CCDC169: variants seen among roughly 807,000 people sequenced by gnomAD.
CCDC169 encodes coiled-coil domain containing 169.
Under a neutral mutation model 36.0 loss-of-function variants are expected in CCDC169, and 30 were observed. That is an observed-to-expected ratio of 0.83 (90% CI 0.62 to 1.13). CCDC169 has a LOEUF of 1.13. Among genes scored for constraint, CCDC169 ranks in the 50% most tolerant of loss-of-function variants. The probability of loss-of-function intolerance (pLI) is 0.00; values close to 1 mark genes in which losing one functional copy is unlikely to be tolerated. For missense variants in CCDC169, 245 were observed against 245.9 expected, an observed-to-expected ratio of 1.00 and a Z score of 0.03; for synonymous variants, 85 against 81.5, an observed-to-expected ratio of 1.04 and a Z score of -0.23.
chr13:36,270,114 C>T (rs935280465), intron 4 of CCDC169, among the ~76,000 whole-genome samples: 29 of 152,144 alleles, frequency 1.9e-4, no homozygotes, highest in African/African-American at 6.8e-4. Context: ...ATCAGTAGCA[C>T]TGTTGCACAA....
At chr13:36,297,510 G>A in intron 1 of CCDC169, 127 bp downstream of exon 1, 3 of 835,532 alleles carry the variant, frequency 3.6e-6, no homozygotes, top group Non-Finnish European at 5.7e-6. Context: ...AACCCAGACC[G>A]AAGTGCCCAG....
chr13:36,278,276 A>C (rs1877084766), intron 4 of CCDC169, among the ~76,000 whole-genome samples: 2 of 152,210 alleles, frequency 1.3e-5, no homozygotes, highest in Non-Finnish European at 2.9e-5. Context: ...AATTAACTCA[A>C]TTTCACAGAT....
intron 4 of CCDC169, among the ~76,000 whole-genome samples, chr13:36,257,940 A>G (rs1011339643): frequency 2.6e-5 from 4 of 152,114 alleles, no homozygotes; most frequent in African/African-American, 9.7e-5. Context: ...TAGCTTTAAA[A>G]GCCCTCCAAT....
chr13:36,248,507 T>C, intron 7 of CCDC169, 99 bp downstream of exon 7: 1 of 1,125,194 alleles, frequency 8.9e-7, no homozygotes, highest in Non-Finnish European at 1.3e-6. Flanking sequence ...CTATAAAACC[T>C]AGAAGTTCAG....
intron 4 of CCDC169, among the ~76,000 whole-genome samples, chr13:36,266,011 G>C (rs1875258919): frequency 6.6e-6 from 1 of 152,126 alleles, no homozygotes; most frequent in African/African-American, 2.4e-5. Context: ...GGTCCGTTTT[G>C]GGAGGACTGT....
chr13:36,240,383 T>C (rs1324853153), intron 7 of CCDC169, among the ~76,000 whole-genome samples: 3 of 152,156 alleles, frequency 2.0e-5, no homozygotes, highest in Non-Finnish European at 2.9e-5. Flanking sequence ...TTTACTATTA[T>C]AGGTAAGCGT....
rs746533112 is a variant in CCDC169 at position 36,297,537 on chromosome 13, C to G, written c.83+100G>C. 2.6e-6 allele frequency: 3 copies of G among 1,170,092 alleles called. No individual in the cohort carries two copies. The East Asian group carries it at 7.7e-5, about 30-fold the overall frequency. 72.5% of individuals were successfully genotyped at this position (1,170,092 alleles called of 1,614,324 possible). A position where few individuals can be genotyped will look rare whatever the true frequency, so the allele number is the denominator to read the frequency against. ...AGTGCCCAGGGGTTAATCACGGCGCCGGTCTTACAGCACCCTCAGCGGCTT... is the reference window on the plus strand; with the variant it reads ...AGTGCCCAGGGGTTAATCACGGCGCGGGTCTTACAGCACCCTCAGCGGCTT... On this transcript the variant is annotated intron_variant, in intron 1 of 7. Transcript: ENST00000239859.
intron 4 of CCDC169, chr13:36,283,223 C>T (rs1011915517): frequency 8.2e-6 from 4 of 484,988 alleles, no homozygotes; most frequent in African/African-American, 5.9e-5. Context: ...TGAAGGTTGG[C>T]GGTGATTCAA....
Position 36,231,262 on chromosome 13 carries a change from T to C in CCDC169, c.576A>G (p.Thr192=), listed in dbSNP as rs1870390901. The C allele has an allele frequency of 1.3e-6, 2 of 1,551,450 alleles. No homozygotes were observed. The highest frequency in any genetic ancestry group is 1.7e-6 in the Non-Finnish European group (2 of 1,146,838). The part of the protein sequence containing the change: ...TGRYNPAKQK[T]VSAKRGPVKK... ...TTACTGGTCCTCTCTTGGCACTCAC[T>C]GTCTTCTGCTTAGCTGGATTATATC... The change falls in exon 8 of 8, where the codon ACA becomes ACG. Residue 192 remains threonine (T), a synonymous_variant. Transcript: ENST00000239859.
intron 6 of CCDC169, among the ~76,000 whole-genome samples, chr13:36,250,197 A>G (rs1170933): frequency 1 from 152,223 of 152,274 alleles, 76,086 homozygotes; most frequent in Non-Finnish European, 1. Flanking sequence ...CTAAGGAAAG[A>G]ATATTCTAGG....
In CCDC169 at chr13:36,297,661, T is replaced by G; in HGVS notation, c.59A>C (p.Gln20Pro). ...CTTCTTGCGGACTTCTTCCAGCAAC[T>G]GCTGTTTCAGGCGGTTGGTGCTCAC... ...DGVSTNRLKQQLLEEVRKKDA... is the reference protein window; with the variant it reads ...DGVSTNRLKQPLLEEVRKKDA... Residue 20 changes from glutamine to proline, a missense_variant, in exon 1 of 8, where the codon CAG (glutamine) becomes CCG (proline). Coordinates refer to ENST00000239859, the MANE Select transcript of CCDC169 (RefSeq NM_001144981.3). 1.3e-6 allele frequency: 2 copies of G among 1,551,236 alleles called. No individual in the cohort carries two copies. Among genetic ancestry groups the G allele is most frequent in the South Asian group, 2.4e-5 (2 of 84,068 alleles).
intron 7 of CCDC169, among the ~76,000 whole-genome samples, chr13:36,242,497 A>G (rs1871954437): frequency 6.6e-6 from 1 of 152,188 alleles, no homozygotes; most frequent in East Asian, 1.9e-4. Flanking sequence ...CAATATTTTG[A>G]GGTAGTACCA....
At chr13:36,283,849 T>G in intron 2 of CCDC169, 147 bp from the exon 3 acceptor site, 2 of 664,604 alleles carry the variant, frequency 3.0e-6, no homozygotes, top group Non-Finnish European at 5.0e-6. Context: ...AGTTATTAAG[T>G]CTGTATTTCT....
chr13:36,227,979 T>C (rs1330759751), downstream of CCDC169, among the ~76,000 whole-genome samples: 1 of 152,246 alleles, frequency 6.6e-6, no homozygotes, highest in African/African-American at 2.4e-5. Context: ...GGTTTACCCA[T>C]GTTGCAGCAT....
chr13:36,284,842 T>A (rs1184122919), intron 2 of CCDC169, among the ~76,000 whole-genome samples: 3 of 152,066 alleles, frequency 2.0e-5, no homozygotes, highest in Admixed American at 1.3e-4. Flanking sequence ...ACTACCAACC[T>A]CCTCAGCCCT....
Position 36,268,997 on chromosome 13 carries a change from C to T in CCDC169, c.315+14472G>A, listed in dbSNP as rs151080900. On this transcript the variant is annotated intron_variant, in intron 4 of 7. Coordinates refer to ENST00000239859, the MANE Select transcript of CCDC169 (RefSeq NM_001144981.3). ...GTGAATGCCTATAATCCCAGCTACT[C>T]GGGAGGCTGAGGCAGGAGAATCACT... 1.8e-4 allele frequency among the ~76,000 whole-genome samples: 27 copies of T among 151,958 alleles called. 1 individual carries two copies. The East Asian group carries it at 4.3e-3, about 24-fold the overall frequency.
intron 4 of CCDC169, among the ~76,000 whole-genome samples, chr13:36,265,150 G>A (rs932685006): frequency 6.6e-6 from 1 of 152,066 alleles, no homozygotes; most frequent in Non-Finnish European, 1.5e-5. Context: ...TCTCATTTTA[G>A]GTAAACAGAT....
At chr13:36,279,098 A>T (rs1305348847) in intron 4 of CCDC169, among the ~76,000 whole-genome samples, 2 of 140,544 alleles carry the variant, frequency 1.4e-5, no homozygotes, top group African/African-American at 5.0e-5. Flanking sequence ...AATACTGCCC[A>T]AGCTAAAAAA....
intron 2 of CCDC169, among the ~76,000 whole-genome samples, chr13:36,294,096 C>T (rs1444920586): frequency 6.6e-6 from 1 of 152,074 alleles, no homozygotes; most frequent in Admixed American, 6.6e-5. Context: ...TGACACAGTC[C>T]CTGGCTTTAA....
Sources: allele counts gnomAD v4.1 joint callset (sites outside exome capture counted in the v4.1 genomes callset), GRCh38; gene constraint gnomAD v4.1.1; transcripts MANE v1.5; gene names NCBI Gene and HGNC (gene_info 2026-07-23, HGNC 2026-07-21).